The following OPCML variants were observed in gnomAD, a reference collection of about 807,000 sequenced individuals.
OPCML encodes opioid-binding protein/cell adhesion molecule.
Under a neutral mutation model 37.8 loss-of-function variants are expected in OPCML, and 13 were observed. The ratio of observed to expected loss-of-function variants is 0.34; its 90% CI spans 0.22 to 0.55. OPCML has a LOEUF of 0.55. OPCML is among the 20% of genes least tolerant of loss of function. OPCML has a pLI of 0.91. For missense variants in OPCML, 341 were observed against 435.6 expected (o/e 0.78, Z 1.93); for synonymous variants, 176 against 168.8 (o/e 1.04, Z -0.33).
intron 3 of OPCML, among the ~76,000 whole-genome samples, chr11:132,558,249 TTCTTCC>T (rs2096400478): frequency 6.6e-6 from 1 of 150,946 alleles, no homozygotes; most frequent in African/African-American, 2.4e-5. Context: ...CTTCTTCTTC[TTCTTCC>T]TCTTCCTTCT....
In OPCML at chr11:133,439,718, T is replaced by C. The variant is rs373124482; in HGVS notation, c.61+92546A>G. ...TCCTGACTTCGTGATCCACCCGCCTTGGCCTCCCAAAGTGCTGGGATTGCA... is the reference window on the plus strand; with the variant it reads ...TCCTGACTTCGTGATCCACCCGCCTCGGCCTCCCAAAGTGCTGGGATTGCA... On this transcript the variant is annotated intron_variant, in intron 1 of 7. Coordinates refer to ENST00000524381, the MANE Select transcript of OPCML (RefSeq NM_001012393.5). Among the ~76,000 whole-genome samples the C allele has an allele frequency of 9.9e-3, 1,513 of 152,142 alleles. 24 individuals are homozygous for C. Among genetic ancestry groups the C allele is most frequent in the African/African-American group, 0.03 (1,256 of 41,524 alleles).
At chr11:132,714,142 C>G (rs146104856) in intron 2 of OPCML, among the ~76,000 whole-genome samples, 389 of 152,290 alleles carry the variant, frequency 2.6e-3, no homozygotes, top group African/African-American at 9.0e-3. Context: ...CAAAACAAGA[C>G]TGAAAGAATA....
At chr11:133,304,639 T>C (rs574335147) in intron 1 of OPCML, among the ~76,000 whole-genome samples, 2 of 152,168 alleles carry the variant, frequency 1.3e-5, no homozygotes, top group Admixed American at 1.3e-4. Context: ...GAAGCAAAAG[T>C]GTGAAAACAT....
At chr11:132,553,147 C>G (rs2096386238) in intron 3 of OPCML, among the ~76,000 whole-genome samples, 1 of 152,164 alleles carries the variant, frequency 6.6e-6, no homozygotes, top group South Asian at 2.1e-4. Context: ...ACGGTCTTTA[C>G]CCAAATGACA....
intron 4 of OPCML, among the ~76,000 whole-genome samples, chr11:132,437,835 C>T (rs756458061): frequency 9.2e-5 from 14 of 152,112 alleles, no homozygotes; most frequent in African/African-American, 1.2e-4. Flanking sequence ...ACTTGTAGAA[C>T]GAATAAGTAA....
chr11:132,628,369 A>C (rs2135681178), intron 3 of OPCML, among the ~76,000 whole-genome samples: 1 of 152,332 alleles, frequency 6.6e-6, no homozygotes, highest in Admixed American at 6.5e-5. Flanking sequence ...TGGCAACAAA[A>C]AAAATTTGAG....
chr11:132,555,018 A>G (rs981132792), intron 3 of OPCML, among the ~76,000 whole-genome samples: 2 of 152,034 alleles, frequency 1.3e-5, no homozygotes, highest in African/African-American at 4.8e-5. Context: ...TAGAGAGTCC[A>G]TAATGTCAAG....
intron 2 of OPCML, among the ~76,000 whole-genome samples, chr11:132,832,320 C>A (rs1199990239): frequency 6.6e-6 from 1 of 150,800 alleles, no homozygotes; most frequent in Non-Finnish European, 1.5e-5. Flanking sequence ...AAGGTTAAAC[C>A]AACATTCTTT....
chr11:132,860,258 G>C (rs1591714728), intron 2 of OPCML, among the ~76,000 whole-genome samples: 1 of 152,324 alleles, frequency 6.6e-6, no homozygotes, highest in Admixed American at 6.5e-5. Flanking sequence ...CTTGCAGACA[G>C]CCACACACTT....
intron 1 of OPCML, among the ~76,000 whole-genome samples, chr11:133,123,703 A>C (rs1473395476): frequency 1.3e-5 from 2 of 151,538 alleles, no homozygotes; most frequent in African/African-American, 4.9e-5. Flanking sequence ...CATATGCCAA[A>C]AGGTCACCGC....
At chr11:133,336,364 GA>G (rs367989412) in intron 1 of OPCML, among the ~76,000 whole-genome samples, 30 of 146,282 alleles carry the variant, frequency 2.1e-4, no homozygotes, top group Middle Eastern at 3.5e-3. Context: ...CCACTAATGG[GA>G]AAAAAAAAAG....
intron 2 of OPCML, among the ~76,000 whole-genome samples, chr11:132,804,038 G>A (rs1442627347): frequency 6.6e-6 from 1 of 152,144 alleles, no homozygotes; most frequent in African/African-American, 2.4e-5. Flanking sequence ...TATTGGAATA[G>A]ACCTTGGCCA....
At chr11:133,508,613 G>T (rs1198293323) in intron 1 of OPCML, among the ~76,000 whole-genome samples, 2 of 152,200 alleles carry the variant, frequency 1.3e-5, no homozygotes, top group Admixed American at 6.5e-5. Flanking sequence ...TGCTCCCTCT[G>T]GCCTCATAAG....
intron 2 of OPCML, among the ~76,000 whole-genome samples, chr11:132,765,133 A>G (rs138554093): frequency 2.6e-5 from 4 of 152,300 alleles, no homozygotes; most frequent in African/African-American, 9.6e-5. Context: ...CAGGAGGCCT[A>G]AGATGCATCT....
intron 2 of OPCML, among the ~76,000 whole-genome samples, chr11:132,717,539 G>A (rs939107118): frequency 2.6e-5 from 4 of 152,170 alleles, no homozygotes; most frequent in Admixed American, 6.5e-5. Context: ...TTTAACAGTC[G>A]TCATCTCTGG....
At chr11:133,143,455 A>T (rs1949854229) in intron 1 of OPCML, among the ~76,000 whole-genome samples, 1 of 152,224 alleles carries the variant, frequency 6.6e-6, no homozygotes, top group South Asian at 2.1e-4. Flanking sequence ...GCATGAAAGA[A>T]GTCTGGGTCC....
intron 2 of OPCML, among the ~76,000 whole-genome samples, chr11:132,813,923 G>A (rs549615397): frequency 1.4e-4 from 21 of 152,264 alleles, no homozygotes; most frequent in African/African-American, 3.9e-4. Flanking sequence ...ATAGGTGTGC[G>A]TTTTACATGC....
At chr11:133,095,231 C>A (rs1001262243) in intron 1 of OPCML, among the ~76,000 whole-genome samples, 1 of 149,838 alleles carries the variant, frequency 6.7e-6, no homozygotes, top group African/African-American at 2.5e-5. Flanking sequence ...AATAAAATAG[C>A]CCTGTTGGCC....
intron 2 of OPCML, among the ~76,000 whole-genome samples, chr11:132,870,063 A>G (rs11223258): frequency 0.24 from 36,478 of 152,088 alleles, 4,691 homozygotes; most frequent in African/African-American, 0.32. Flanking sequence ...CCTACTACAC[A>G]CTAGATTTCT....
Sources: allele counts gnomAD v4.1 joint callset (sites outside exome capture counted in the v4.1 genomes callset), GRCh38; gene constraint gnomAD v4.1.1; transcripts MANE v1.5; gene names NCBI Gene and HGNC (gene_info 2026-07-23, HGNC 2026-07-21).